The following MSRA variants were observed in gnomAD, a reference collection of about 807,000 sequenced individuals.
MSRA encodes the protein mitochondrial peptide methionine sulfoxide reductase.
MSRA carries 54 observed loss-of-function variants against 31.3 expected under a neutral mutation model. The ratio of observed to expected loss-of-function variants is 1.73; its 90% confidence interval spans 1.39 to 2.17. The LOEUF is 2.17. MSRA is among the 30% of genes most tolerant of loss of function. MSRA has a pLI of 0.00. For missense variants in MSRA, 507 were observed against 300.9 expected, an observed-to-expected ratio of 1.69 and a Z score of -5.07; for synonymous variants, 169 against 116.5, an observed-to-expected ratio of 1.45 and a Z score of -2.90.
chr8:10,084,957 A>G (rs926441354), intron 1 of MSRA, among the ~76,000 whole-genome samples: 2 of 152,150 alleles, frequency 1.3e-5, no homozygotes, highest in African/African-American at 4.8e-5. Context: ...TCCCCTTTAT[A>G]TTTAATACAA....
intron 4 of MSRA, among the ~76,000 whole-genome samples, chr8:10,318,543 A>G (rs1432800704): frequency 2.0e-5 from 3 of 152,226 alleles, no homozygotes; most frequent in East Asian, 1.9e-4. Flanking sequence ...GAGTTATTCT[A>G]TCATCAATAA....
chr8:10,184,527 TC>T lies in MSRA; in HGVS notation c.143-23305del, dbSNP rs200748760. Among the ~76,000 whole-genome samples the T allele has an allele frequency of 6.0e-3, 906 of 152,248 alleles. 11 individuals are homozygous for T. Among genetic ancestry groups the T allele is most frequent in the African/African-American group, 0.021 (861 of 41,534 alleles). ...TTAAATGGCTTGATTTACATTGGAT[TC>T]TAGGGTTATTATTATTTTTAACACT... On this transcript the variant is annotated intron_variant, in intron 1 of 5. Transcript: ENST00000317173.
chr8:10,407,823 CT>C (rs1807912558), intron 5 of MSRA, among the ~76,000 whole-genome samples: 1 of 152,140 alleles, frequency 6.6e-6, no homozygotes, highest in African/African-American at 2.4e-5. Context: ...TTGCTTGCTC[CT>C]TACATTTTTA....
intron 1 of MSRA, among the ~76,000 whole-genome samples, chr8:10,092,080 T>C (rs1798886292): frequency 9.9e-6 from 1 of 101,400 alleles, no homozygotes; most frequent in African/African-American, 2.7e-5. Context: ...AGTTAAAGGG[T>C]CTGTAGTACT....
At chr8:10,289,520 C>G (rs1470176979) in intron 3 of MSRA, among the ~76,000 whole-genome samples, 1 of 152,100 alleles carries the variant, frequency 6.6e-6, no homozygotes, top group Non-Finnish European at 1.5e-5. Context: ...TACAGACAAT[C>G]CATTTATTTT....
chr8:10,287,112 A>G (rs1339410239), intron 3 of MSRA, among the ~76,000 whole-genome samples: 2 of 152,172 alleles, frequency 1.3e-5, no homozygotes, highest in Non-Finnish European at 2.9e-5. Context: ...ACTGACCATC[A>G]TCAGAGATCT....
intron 2 of MSRA, among the ~76,000 whole-genome samples, chr8:10,239,970 G>T (rs141974845): frequency 0.012 from 1,758 of 152,258 alleles, 35 homozygotes; most frequent in African/African-American, 0.039. Flanking sequence ...TTTTCAGGAC[G>T]GCAGTTCCTG....
intron 5 of MSRA, among the ~76,000 whole-genome samples, chr8:10,380,863 A>C (rs1447540025): frequency 7.1e-6 from 1 of 140,416 alleles, no homozygotes; most frequent in Non-Finnish European, 1.5e-5. Flanking sequence ...GGCTGGCTGG[A>C]TGGCTGGATG....
chr8:10,208,475 T>A (rs1194002671), intron 2 of MSRA, among the ~76,000 whole-genome samples: 1 of 152,194 alleles, frequency 6.6e-6, no homozygotes, highest in Admixed American at 6.5e-5. Context: ...AGAGGTCCTT[T>A]TTAATCTGTG....
At chr8:10,399,431 T>C (rs542964177) in intron 5 of MSRA, among the ~76,000 whole-genome samples, 8 of 152,304 alleles carry the variant, frequency 5.3e-5, no homozygotes, top group African/African-American at 1.9e-4. Context: ...ATCTCCTTGG[T>C]GATGAGTGAG....
intron 1 of MSRA, 139 bp downstream of exon 1, chr8:10,054,797 C>A (rs1802225947): frequency 3.1e-6 from 3 of 962,826 alleles, no homozygotes; most frequent in Non-Finnish European, 4.1e-6. Context: ...TGCGCAGGCG[C>A]GAAGGGGCGC....
At chr8:10,295,068 G>A (rs1013556302) in intron 3 of MSRA, among the ~76,000 whole-genome samples, 3 of 152,132 alleles carry the variant, frequency 2.0e-5, no homozygotes, top group Non-Finnish European at 2.9e-5. Flanking sequence ...ACTCCTGGGC[G>A]GCAGGACAGA....
intron 1 of MSRA, among the ~76,000 whole-genome samples, chr8:10,184,508 G>A (rs1038193754): frequency 1.3e-5 from 2 of 151,974 alleles, no homozygotes; most frequent in African/African-American, 2.4e-5. Flanking sequence ...GGGATTAAAT[G>A]GCTTGATTTA....
chr8:10,252,022 C>T lies in MSRA; in HGVS notation c.331+6799C>T, dbSNP rs566680770. Among the ~76,000 whole-genome samples, 13 of 152,286 alleles carry T rather than the reference C, an allele frequency of 8.5e-5. No homozygotes were observed. In the South Asian group the frequency reaches 1.2e-3, roughly 15 times the overall value. On this transcript the variant is annotated intron_variant, in intron 3 of 5. Transcript: ENST00000317173. ...CTCCAGAGGTAATGATGTTTGAACT[C>T]GGTAAGATTCAAGCTGCTTGGAGAG...
chr8:10,093,357 A>G (rs139034432), intron 1 of MSRA, among the ~76,000 whole-genome samples: 2 of 152,214 alleles, frequency 1.3e-5, no homozygotes, highest in East Asian at 3.9e-4. Flanking sequence ...TTATTTGCTT[A>G]GTGGTTGCCC....
intron 1 of MSRA, among the ~76,000 whole-genome samples, chr8:10,131,218 A>T (rs2129024926): frequency 6.6e-6 from 1 of 152,328 alleles, no homozygotes; most frequent in East Asian, 1.9e-4. Flanking sequence ...TGTAGGAGAA[A>T]TGTACACGTT....
chr8:10,070,377 A>T (rs982338059), intron 1 of MSRA, among the ~76,000 whole-genome samples: 2 of 152,216 alleles, frequency 1.3e-5, no homozygotes, highest in Non-Finnish European at 2.9e-5. Flanking sequence ...GGGGTTGGCA[A>T]ATAATAGCCC....
intron 2 of MSRA, among the ~76,000 whole-genome samples, chr8:10,218,183 G>C (rs1291324686): frequency 6.6e-6 from 1 of 151,408 alleles, no homozygotes; most frequent in Non-Finnish European, 1.5e-5. Context: ...GTCTCACTCT[G>C]TTGCCGAGGC....
At chr8:10,055,552 A>G (rs2293091) in intron 1 of MSRA, among the ~76,000 whole-genome samples, 79,144 of 151,972 alleles carry the variant, frequency 0.52, 22,849 homozygotes, top group Non-Finnish European at 0.64. Context: ...TGAATCGGAG[A>G]CTCTGGGGGT....
Sources: gnomAD v4.1 joint callset for allele counts (sites outside exome capture counted in the v4.1 genomes callset) on GRCh38, gnomAD v4.1.1 for gene constraint, MANE v1.5 for transcripts, NCBI Gene and HGNC (gene_info 2026-07-23, HGNC 2026-07-21) for gene names.